Variants in NUP58 observed in about 807,000 individuals in gnomAD.
NUP58 encodes nucleoporin p58/p45.
Under a neutral mutation model 70.1 loss-of-function variants are expected in NUP58, and 17 were observed. The ratio of observed to expected loss-of-function variants is 0.24; its 90% confidence interval spans 0.17 to 0.36. The LOEUF (loss-of-function observed/expected upper bound fraction) is 0.36. Ranked by LOEUF, NUP58 falls within the 10% of genes least tolerant of loss-of-function variation. The pLI is 1.00. For missense variants in NUP58, 644 were observed against 701.5 expected (o/e 0.92, Z 0.93); for synonymous variants, 275 against 257.6 (o/e 1.07, Z -0.65).
At chr13:25,331,630 T>A (rs1181012293) in intron 13 of NUP58, 72 bp downstream of exon 13, 1 of 1,540,732 alleles carries the variant, frequency 6.5e-7, no homozygotes, top group East Asian at 2.4e-5. Context: ...TTATAAGTCT[T>A]CCATTTGTGT....
chr13:25,338,500 G>T, intron 14 of NUP58, 136 bp from the exon 15 acceptor site: 1 of 579,258 alleles, frequency 1.7e-6, no homozygotes. Context: ...AAAGGAGTAA[G>T]CAGATTTCCT....
At chr13:25,334,956 A>G in intron 13 of NUP58, 1 of 984,948 alleles carries the variant, frequency 1.0e-6, no homozygotes, top group Non-Finnish European at 1.2e-6. Context: ...TTCAAAGCAG[A>G]CTTCTTGAAT....
At chr13:25,337,736 C>T (rs886263175) in intron 14 of NUP58, among the ~76,000 whole-genome samples, 10 of 152,144 alleles carry the variant, frequency 6.6e-5, no homozygotes, top group East Asian at 1.9e-4. Context: ...TAAGCTATTA[C>T]GGTTGTTTAA....
intron 13 of NUP58, 102 bp downstream of exon 13, chr13:25,331,660 A>G (rs1017830727): frequency 2.2e-5 from 33 of 1,506,998 alleles, no homozygotes; most frequent in East Asian, 7.4e-5. Context: ...AGAAATTTCT[A>G]TGAGTAGCTG....
intron 1 of NUP58, among the ~76,000 whole-genome samples, chr13:25,302,231 A>T (rs1342762911): frequency 6.6e-6 from 1 of 152,250 alleles, no homozygotes; most frequent in East Asian, 1.9e-4. Flanking sequence ...ATGAACATTG[A>T]ATGAATGAAT....
chr13:25,333,465 C>T, intron 13 of NUP58: 1 of 985,410 alleles, frequency 1.0e-6, no homozygotes. Flanking sequence ...AGGGCTTTCT[C>T]ATCAGATGGC....
At chr13:25,322,869 G>T (rs976185472) in intron 9 of NUP58, among the ~76,000 whole-genome samples, 1 of 152,062 alleles carries the variant, frequency 6.6e-6, no homozygotes, top group Non-Finnish European at 1.5e-5. Flanking sequence ...TTTTATACTG[G>T]AGAATGTTTA....
intron 13 of NUP58, chr13:25,334,378 T>C (rs2031712325): frequency 2.0e-6 from 2 of 985,452 alleles, no homozygotes; most frequent in Non-Finnish European, 2.4e-6. Context: ...GACTTTCTTA[T>C]GTGACTTAGC....
chr13:25,332,775 G>A, intron 13 of NUP58: 1 of 985,454 alleles, frequency 1.0e-6, no homozygotes, highest in East Asian at 1.1e-4. Context: ...GCTGGCTGGA[G>A]TGTAGGATTG....
intron 9 of NUP58, among the ~76,000 whole-genome samples, chr13:25,322,778 A>G (rs2137780996): frequency 6.6e-6 from 1 of 152,258 alleles, no homozygotes; most frequent in Non-Finnish European, 1.5e-5. Flanking sequence ...CTCAACCTGT[A>G]TTGCCCCATG....
At chr13:25,330,408 A>G (rs1593195800) in intron 12 of NUP58, among the ~76,000 whole-genome samples, 1 of 152,284 alleles carries the variant, frequency 6.6e-6, no homozygotes, top group East Asian at 1.9e-4. Flanking sequence ...CATCCACACA[A>G]AAAGGGCGAT....
chr13:25,334,775 T>C (rs2031724757), intron 13 of NUP58: 1 of 984,528 alleles, frequency 1.0e-6, no homozygotes, highest in Non-Finnish European at 1.2e-6. Flanking sequence ...CTGGAAAATA[T>C]GAATTACAGC....
At chr13:25,309,640 T>C (rs996431362) in intron 3 of NUP58, among the ~76,000 whole-genome samples, 11 of 152,194 alleles carry the variant, frequency 7.2e-5, no homozygotes, top group African/African-American at 2.7e-4. Flanking sequence ...TGTGAGGCCT[T>C]AGGTAATGTT....
chr13:25,332,230 G>A (rs2031633886), intron 13 of NUP58: 7 of 985,532 alleles, frequency 7.1e-6, no homozygotes, highest in Non-Finnish European at 7.2e-6. Flanking sequence ...TTGAACAGAT[G>A]AAAATAATTG....
intron 9 of NUP58, among the ~76,000 whole-genome samples, chr13:25,321,573 C>T (rs1159250229): frequency 6.6e-6 from 1 of 152,126 alleles, no homozygotes; most frequent in African/African-American, 2.4e-5. Flanking sequence ...TTATATCATG[C>T]TGTGTGGATA....
intron 13 of NUP58, chr13:25,331,976 T>G (rs1200093412): frequency 7.8e-6 from 8 of 1,028,664 alleles, no homozygotes; most frequent in Non-Finnish European, 9.4e-6. Context: ...CTCATTTTCC[T>G]CATACATAGT....
chr13:25,331,716 C>T, intron 13 of NUP58, 158 bp downstream of exon 13: 9 of 1,434,878 alleles, frequency 6.3e-6, no homozygotes, highest in Non-Finnish European at 8.2e-6. Flanking sequence ...ATAAACATAC[C>T]TGATAAAAAA....
chr13:25,345,097 C>A (rs1016963740), downstream of NUP58, among the ~76,000 whole-genome samples: 9 of 152,184 alleles, frequency 5.9e-5, no homozygotes, highest in Non-Finnish European at 8.8e-5. Context: ...TCCTGGGTAC[C>A]ACTCAGCATT....
chr13:25,320,811 T>A (rs2031148049), intron 8 of NUP58, 108 bp from the exon 9 acceptor site: 2 of 800,374 alleles, frequency 2.5e-6, no homozygotes, highest in Non-Finnish European at 3.7e-6. Context: ...ATAGATGAAT[T>A]TTTAGTTTTG....
Sources: gnomAD v4.1 joint callset for allele counts (sites outside exome capture counted in the v4.1 genomes callset) on GRCh38, gnomAD v4.1.1 for gene constraint, MANE v1.5 for transcripts, NCBI Gene and HGNC (gene_info 2026-07-23, HGNC 2026-07-21) for gene names.